RS1: variants seen among roughly 807,000 people sequenced by gnomAD.
RS1 encodes retinoschisin.
RS1 carries 2 observed loss-of-function variants against 20.8 expected under a neutral mutation model. That is an observed-to-expected ratio of 0.10 (90% CI 0.04 to 0.30). RS1 has a LOEUF of 0.30. Ranked by LOEUF, RS1 falls within the 10% of genes least tolerant of loss-of-function variation. The pLI is 1.00. For synonymous variants in RS1, 70 were observed against 75.8 expected, an observed-to-expected ratio of 0.92 and a Z score of 0.40; for missense variants, 151 against 189.8, an observed-to-expected ratio of 0.80 and a Z score of 1.20.
At chrX:18,661,270 T>A (rs891815457) in intron 1 of RS1, among the ~76,000 whole-genome samples, 10 of 111,383 alleles carry the variant, frequency 9.0e-5, no homozygotes, top group Non-Finnish European at 1.9e-4. Flanking sequence ...GGTCCCCTTG[T>A]CCCCATCTCA....
intron 1 of RS1, among the ~76,000 whole-genome samples, chrX:18,664,878 C>T (rs1928378058): frequency 9.0e-6 from 1 of 110,777 alleles, no homozygotes; most frequent in Non-Finnish European, 1.9e-5. Context: ...CCACGCTCAG[C>T]TAATTGTGTT....
At position 18,650,359 on chromosome X, in the gene RS1, C is replaced by T. The variant is rs376982458; in HGVS notation, c.185-3027G>A. On this transcript the variant is annotated intron_variant, in intron 3 of 5. Coordinates refer to ENST00000379984, the MANE Select transcript of RS1 (RefSeq NM_000330.4). ...TCAGCTGGTGTCTGGGAGCCGATGC[C>T]TGCCTCCCGGGCCCCAAGCTTCATT... 27 of 1,156,505 alleles carry T rather than the reference C, an allele frequency of 2.3e-5. No homozygotes were observed. In the African/African-American group the frequency reaches 2.8e-4, roughly 12 times the overall value.
intron 1 of RS1, among the ~76,000 whole-genome samples, chrX:18,662,069 T>C (rs1315451509): frequency 8.9e-6 from 1 of 111,766 alleles, no homozygotes; most frequent in Non-Finnish European, 1.9e-5. Context: ...CCTTCCGCCA[T>C]GGGAGGGCAC....
At chrX:18,666,550 T>C (rs1928407329) in intron 1 of RS1, among the ~76,000 whole-genome samples, 1 of 111,337 alleles carries the variant, frequency 9.0e-6, no homozygotes, top group African/African-American at 3.3e-5. Context: ...TTTGTGGAAC[T>C]TGAGGATAGA....
In RS1 at chrX:18,640,131, T is replaced by G. The variant is rs770170712; in HGVS notation, c.*1873A>C. 1 of 111,465 alleles carries G rather than the reference T, an allele frequency of 9.0e-6. No individual in the cohort carries two copies. The highest frequency in any genetic ancestry group is 1.9e-5 in the Non-Finnish European group (1 of 53,135). The allele number at this position is 111,465 out of a possible 1,213,427, so 9.2% of individuals were successfully genotyped here. On this transcript the variant is annotated 3_prime_UTR_variant, in exon 6 of 6. Coordinates refer to ENST00000379984, the MANE Select transcript of RS1 (RefSeq NM_000330.4). ...CCAAAAGTCATCAAATTGTACACTT[T>G]AAATGGATACAAATTGTATGTGAAC...
intron 1 of RS1, among the ~76,000 whole-genome samples, chrX:18,671,184 AC>A (rs1928486797): frequency 9.0e-6 from 1 of 110,742 alleles, no homozygotes; most frequent in South Asian, 3.8e-4. Flanking sequence ...GAGCACAGAG[AC>A]CTCCTTCTCC....
intron 2 of RS1, among the ~76,000 whole-genome samples, chrX:18,656,965 A>G (rs1928227005): frequency 9.0e-6 from 1 of 111,302 alleles, no homozygotes; most frequent in African/African-American, 3.3e-5. Context: ...ACCCTGGGCG[A>G]CCAACTAATA....
At chrX:18,654,150 T>C (rs1928165569) in intron 3 of RS1, among the ~76,000 whole-genome samples, 1 of 74,729 alleles carries the variant, frequency 1.3e-5, no homozygotes, top group Non-Finnish European at 2.9e-5. Context: ...TCTCTCTCTC[T>C]TTTTTTTTTT....
intron 3 of RS1, among the ~76,000 whole-genome samples, chrX:18,653,825 G>T (rs908781033): frequency 1.9e-4 from 21 of 109,919 alleles, no homozygotes; most frequent in African/African-American, 6.6e-4. Flanking sequence ...AAAATTAGCT[G>T]GGCGTGGTGG....
At chrX:18,664,353 C>A (rs550958075) in intron 1 of RS1, among the ~76,000 whole-genome samples, 1 of 112,386 alleles carries the variant, frequency 8.9e-6, no homozygotes. Flanking sequence ...AGGGGCCGGG[C>A]GCGGTGGCTC....
rs371847235 is a variant in RS1, at chrX:18,650,488, C to G, written c.185-3156G>C. ...AACCGAGCCCTTCATCGTCCAATCT[C>G]CAGTCCTGCTCCCTATCCAGTACTC... On this transcript the variant is annotated intron_variant, in intron 3 of 5. Transcript: ENST00000379984. 3.3e-6 allele frequency: 4 copies of G among 1,210,434 alleles called. No homozygotes were observed. The highest frequency in any genetic ancestry group is 3.5e-5 in the African/African-American group (2 of 57,340).
chrX:18,659,082 G>T (rs1052343577), intron 1 of RS1, among the ~76,000 whole-genome samples: 1 of 111,825 alleles, frequency 8.9e-6, no homozygotes, highest in African/African-American at 3.2e-5. Flanking sequence ...TCACACTTTA[G>T]CAGGTAAAGA....
At chrX:18,651,752 C>G (rs1033289888) in intron 3 of RS1, among the ~76,000 whole-genome samples, 2 of 112,059 alleles carry the variant, frequency 1.8e-5, no homozygotes, top group African/African-American at 6.5e-5. Context: ...TTTCTTCTAA[C>G]GTGGAAAAAT....
In RS1 at chrX:18,641,855, C is replaced by T. The variant is rs1404798899; in HGVS notation, c.*149G>A. Reference sequence around the variant, plus strand: ...TTTCATTGAAATCAGAAAGCTATATCTTAAAAAAAAAAAAATTATCTACCC... The same window carrying T: ...TTTCATTGAAATCAGAAAGCTATATTTTAAAAAAAAAAAAATTATCTACCC... On this transcript the variant is annotated 3_prime_UTR_variant, in exon 6 of 6. Coordinates refer to ENST00000379984, the MANE Select transcript of RS1 (RefSeq NM_000330.4). 3 of 531,241 alleles carry T rather than the reference C, an allele frequency of 5.6e-6. No homozygotes were observed. Among genetic ancestry groups the T allele is most frequent in the Non-Finnish European group, 9.0e-6 (3 of 333,088 alleles). The allele number at this position is 531,241 out of a possible 1,213,427, so 43.8% of individuals were successfully genotyped here. A position where few individuals can be genotyped will look rare whatever the true frequency, so the allele number is the denominator to read the frequency against.
intron 1 of RS1, among the ~76,000 whole-genome samples, chrX:18,665,883 C>CAAAAAA (rs55857132): frequency 5.7e-5 from 2 of 34,879 alleles, no homozygotes; most frequent in Non-Finnish European, 5.0e-5. Context: ...GACCCTGTCT[C>CAAAAAA]AAAAAAAAAA....
chrX:18,660,999 A>C (rs988216935), intron 1 of RS1, among the ~76,000 whole-genome samples: 1 of 111,804 alleles, frequency 8.9e-6, no homozygotes, highest in Non-Finnish European at 1.9e-5. Context: ...CCCTTGTTCC[A>C]CTGGTTACTC....
intron 3 of RS1, chrX:18,653,353 G>C: frequency 1.7e-6 from 2 of 1,176,283 alleles, no homozygotes; most frequent in South Asian, 1.9e-5. Flanking sequence ...TCCGTGGGGG[G>C]CCCGGGCATT....
intron 1 of RS1, among the ~76,000 whole-genome samples, chrX:18,664,863 C>T (rs984203561): frequency 6.3e-5 from 7 of 110,659 alleles, no homozygotes; most frequent in South Asian, 3.8e-4. Flanking sequence ...TACAGGCCTG[C>T]GCTGCCACGC....
At chrX:18,651,486 G>C (rs989032001) in intron 3 of RS1, among the ~76,000 whole-genome samples, 2 of 111,070 alleles carry the variant, frequency 1.8e-5, no homozygotes, top group African/African-American at 6.6e-5. Flanking sequence ...TGATTCCCCT[G>C]AGGGGCTGGA....
Sources: gnomAD v4.1 joint callset for allele counts (sites outside exome capture counted in the v4.1 genomes callset) on GRCh38, gnomAD v4.1.1 for gene constraint, MANE v1.5 for transcripts, NCBI Gene and HGNC (gene_info 2026-07-23, HGNC 2026-07-21) for gene names.